The following ANO2 variants were observed in gnomAD, a reference collection of about 807,000 sequenced individuals.
ANO2 encodes the protein anoctamin-2.
A neutral mutation model predicts 124.2 loss-of-function variants in ANO2; 101 were observed. That is an observed-to-expected ratio of 0.81 (90% CI 0.69 to 0.96). The LOEUF (loss-of-function observed/expected upper bound fraction) is 0.96. ANO2 is among the 40% of genes least tolerant of loss of function. The probability of loss-of-function intolerance (pLI) is 0.00; values close to 1 mark genes in which losing one functional copy is unlikely to be tolerated. For synonymous variants in ANO2, 486 were observed against 482.5 expected, an observed-to-expected ratio of 1.01 and a Z score of -0.09; for missense variants, 1,293 against 1,274.5, an observed-to-expected ratio of 1.01 and a Z score of -0.22.
chr12:5,831,585 C>T lies in ANO2; in HGVS notation c.785+867G>A, dbSNP rs188589861. The stretch of plus-strand genomic sequence containing the variant: ...GAAGATAGTTAGATCTGGCCCGCCA[C>T]CACGCAAGGGGACATGAGGACTCAA... On this transcript the variant is annotated intron_variant, in intron 5 of 24. Transcript: ENST00000682330. Among the ~76,000 whole-genome samples the T allele has an allele frequency of 3.7e-3, 568 of 152,216 alleles. 6 individuals are homozygous for T. The highest frequency in any genetic ancestry group is 0.013 in the African/African-American group (554 of 41,530).
intron 22 of ANO2, among the ~76,000 whole-genome samples, chr12:5,577,025 G>A (rs969682700): frequency 2.6e-5 from 4 of 152,220 alleles, no homozygotes; most frequent in African/African-American, 4.8e-5. Flanking sequence ...AAGTAAGACT[G>A]CACGTCATTT....
chr12:5,932,808 G>A (rs1942474459), intron 1 of ANO2, among the ~76,000 whole-genome samples: 1 of 152,206 alleles, frequency 6.6e-6, no homozygotes, highest in Non-Finnish European at 1.5e-5. Flanking sequence ...ATGAAAGTAT[G>A]AAGAAGGATC....
Position 5,854,118 on chromosome 12 carries a change from A to T in ANO2, c.558T>A (p.Phe186Leu), listed in dbSNP as rs1448868453. The change falls in exon 4 of 25, where the codon TTT (phenylalanine) becomes TTA (leucine). Residue 186 changes from phenylalanine (F) to leucine (L), a missense_variant. Coordinates refer to ENST00000682330, the MANE Select transcript of ANO2 (RefSeq NM_001364791.2). ...CCTGCCACGGGGCGTGTATCCGGAC[A>T]AAGATGGATCCCTGGCTTTTATTCT... ...DLENKSQGSI[F>L]VRIHAPWQVL... 14 of 1,613,170 alleles carry T rather than the reference A, an allele frequency of 8.7e-6. No individual in the cohort carries two copies. The highest frequency in any genetic ancestry group is 1.1e-5 in the Non-Finnish European group (13 of 1,179,422).
intron 15 of ANO2, among the ~76,000 whole-genome samples, chr12:5,642,702 C>T (rs77145919): frequency 2.0e-5 from 3 of 152,254 alleles, no homozygotes; most frequent in East Asian, 3.9e-4. Flanking sequence ...GTTCTCATCT[C>T]ACATAGAATT....
intron 20 of ANO2, among the ~76,000 whole-genome samples, chr12:5,588,802 G>A (rs1157638478): frequency 5.3e-5 from 8 of 152,170 alleles, no homozygotes; most frequent in Admixed American, 3.3e-4. Flanking sequence ...ACCACAGACC[G>A]GTGGGTTGCA....
At position 5,847,467 on chromosome 12, in the gene ANO2, G is replaced by GTA. The variant is rs1372873094; in HGVS notation, c.633+6575_633+6576insTA. On this transcript the variant is annotated intron_variant, in intron 4 of 24. Coordinates refer to ENST00000682330, the MANE Select transcript of ANO2 (RefSeq NM_001364791.2). The stretch of plus-strand genomic sequence containing the variant: ...CCTCTGTGTGTGTGTGTGTGTGTGT[G>GTA]TGTGTGTGTGTCCTGTTGGTTCTGT... Among the ~76,000 whole-genome samples the GTA allele has an allele frequency of 3.9e-5, 6 of 151,946 alleles. No homozygotes were observed. In the East Asian group the frequency reaches 1.2e-3, roughly 29 times the overall value.
chr12:5,676,312 T>G (rs1281675157), intron 14 of ANO2, among the ~76,000 whole-genome samples: 1 of 152,166 alleles, frequency 6.6e-6, no homozygotes, highest in Non-Finnish European at 1.5e-5. Flanking sequence ...AAGGCAAACA[T>G]GCTGGGCAGT....
intron 17 of ANO2, among the ~76,000 whole-genome samples, chr12:5,614,642 T>C (rs1944706609): frequency 6.6e-6 from 1 of 152,206 alleles, no homozygotes; most frequent in African/African-American, 2.4e-5. Context: ...GTTGTAAGTA[T>C]AGCACATTTC....
intron 7 of ANO2, among the ~76,000 whole-genome samples, chr12:5,827,072 C>A (rs558379952): frequency 6.6e-6 from 1 of 152,196 alleles, no homozygotes; most frequent in African/African-American, 2.4e-5. Flanking sequence ...GCACATTTTT[C>A]GAAAAAGCAG....
At chr12:5,892,008 A>G (rs2136273152) in intron 3 of ANO2, among the ~76,000 whole-genome samples, 1 of 152,352 alleles carries the variant, frequency 6.6e-6, no homozygotes, top group African/African-American at 2.4e-5. Flanking sequence ...AGTAGTCATT[A>G]CAAAAAAGGC....
intron 20 of ANO2, among the ~76,000 whole-genome samples, chr12:5,590,563 C>G (rs780844116): frequency 7.4e-4 from 112 of 152,314 alleles, no homozygotes; most frequent in Middle Eastern, 3.4e-3. Context: ...TGTTTGAAGT[C>G]TCGAGACAAG....
chr12:5,607,076 AAC>A (rs1944257451), intron 19 of ANO2, among the ~76,000 whole-genome samples: 1 of 152,002 alleles, frequency 6.6e-6, no homozygotes, highest in Non-Finnish European at 1.5e-5. Context: ...AAAAAAAAAA[AAC>A]AAATCTGGCC....
Position 5,567,749 on chromosome 12 carries a change from C to T in ANO2, c.2622-2086G>A, listed in dbSNP as rs2058775. Among the ~76,000 whole-genome samples, 927 of 152,316 alleles carry T rather than the reference C, an allele frequency of 6.1e-3. 10 individuals are homozygous for T. The highest frequency in any genetic ancestry group is 0.021 in the African/African-American group (880 of 41,574). Reference sequence around the variant, plus strand: ...CCAGCTTTTGGAAATGTCACTTTGTCCTCCCTCAGTGTCTAAAACATGTTT... The same window carrying T: ...CCAGCTTTTGGAAATGTCACTTTGTTCTCCCTCAGTGTCTAAAACATGTTT... On this transcript the variant is annotated intron_variant, in intron 23 of 24. Coordinates refer to ENST00000682330, the MANE Select transcript of ANO2 (RefSeq NM_001364791.2).
At chr12:5,595,758 G>A (rs1427378300) in intron 20 of ANO2, among the ~76,000 whole-genome samples, 1 of 152,204 alleles carries the variant, frequency 6.6e-6, no homozygotes, top group East Asian at 1.9e-4. Flanking sequence ...GGCTTGACCT[G>A]GGAAGACTTC....
chr12:5,577,671 G>C (rs1044574171), intron 22 of ANO2, among the ~76,000 whole-genome samples: 1 of 152,174 alleles, frequency 6.6e-6, no homozygotes, highest in Non-Finnish European at 1.5e-5. Flanking sequence ...ATTATTCTTG[G>C]CTCCAAGGAA....
chr12:5,859,102 C>T (rs1480864447), intron 3 of ANO2, among the ~76,000 whole-genome samples: 1 of 152,162 alleles, frequency 6.6e-6, no homozygotes, highest in Non-Finnish European at 1.5e-5. Flanking sequence ...CAATCCATCC[C>T]TAAAGAAGAT....
intron 3 of ANO2, among the ~76,000 whole-genome samples, chr12:5,867,778 G>GAAAAAAAAA: frequency 1.3e-5 from 1 of 78,544 alleles, no homozygotes; most frequent in Non-Finnish European, 2.3e-5. Flanking sequence ...GCACTATAAT[G>GAAAAAAAAA]AAAAAAAAAA....
chr12:5,792,754 T>C (rs751041913), intron 10 of ANO2, among the ~76,000 whole-genome samples: 9 of 152,216 alleles, frequency 5.9e-5, no homozygotes, highest in Non-Finnish European at 1.3e-4. Flanking sequence ...ATTTTCTCCA[T>C]CAGCCTGTCC....
At position 5,636,001 on chromosome 12, in the gene ANO2, G is replaced by A. The variant is rs976448644; in HGVS notation, c.1621-654C>T. ...AGAAAAGAGGGAATACATCAGGAGT[G>A]AGATTTTAGGAATCTCAGTCCTCAA... On this transcript the variant is annotated intron_variant, in intron 15 of 24. Coordinates refer to ENST00000682330, the MANE Select transcript of ANO2 (RefSeq NM_001364791.2). The surrounding 1 kb of genome is among the most constrained non-coding windows in gnomAD (Gnocchi z 4.6). Among the ~76,000 whole-genome samples, 1 of 152,166 alleles carries A rather than the reference G, an allele frequency of 6.6e-6. No individual in the cohort carries two copies. Among genetic ancestry groups the A allele is most frequent in the African/African-American group, 2.4e-5 (1 of 41,438 alleles).
Sources: allele counts gnomAD v4.1 joint callset (sites outside exome capture counted in the v4.1 genomes callset), GRCh38; gene constraint gnomAD v4.1.1; non-coding constraint Gnocchi (gnomAD v3.1); transcripts MANE v1.5; gene names NCBI Gene and HGNC (gene_info 2026-07-23, HGNC 2026-07-21).